The following TCF12 variants were observed in gnomAD, a reference collection of about 807,000 sequenced individuals.
TCF12 encodes transcription factor 12.
A neutral mutation model predicts 86.0 loss-of-function variants in TCF12; 45 were observed. The ratio of observed to expected loss-of-function variants is 0.52; its 90% CI spans 0.41 to 0.67. The LOEUF is 0.67. Among genes scored for constraint, TCF12 ranks in the 30% least tolerant of loss-of-function variants. The probability of loss-of-function intolerance (pLI) is 0.00; values close to 1 mark genes in which losing one functional copy is unlikely to be tolerated. For synonymous variants in TCF12, 330 were observed against 299.6 expected (o/e 1.10, Z -1.05); for missense variants, 881 against 859.9 (o/e 1.02, Z -0.31).
intron 3 of TCF12, among the ~76,000 whole-genome samples, chr15:56,955,609 T>A (rs2061477010): frequency 6.6e-6 from 1 of 152,214 alleles, no homozygotes; most frequent in African/African-American, 2.4e-5. Context: ...ATGCTTTGTA[T>A]GAATTGAGTG....
intron 6 of TCF12, among the ~76,000 whole-genome samples, chr15:57,180,604 A>G (rs2056267514): frequency 2.6e-5 from 4 of 152,016 alleles, no homozygotes; most frequent in Admixed American, 2.6e-4. Flanking sequence ...TTAAAACTGC[A>G]TACCACTTCA....
At chr15:56,937,220 T>G (rs1319258350) in intron 3 of TCF12, among the ~76,000 whole-genome samples, 6 of 152,142 alleles carry the variant, frequency 3.9e-5, no homozygotes, top group African/African-American at 1.4e-4. Flanking sequence ...AGTATTAAAT[T>G]TTTTTGGCTG....
rs556959386 is a variant in TCF12, at chr15:57,227,921, G to A, written c.580-3231G>A. ...CCTGGTAGATTTTAATTATCTTAAA[G>A]CATATATATTCCTTTCTCTTAATTT... On this transcript the variant is annotated intron_variant, in intron 8 of 20. Coordinates refer to ENST00000333725, the MANE Select transcript of TCF12 (RefSeq NM_207037.2). Among the ~76,000 whole-genome samples the A allele has an allele frequency of 1.6e-4, 24 of 152,000 alleles. No homozygotes were observed. The South Asian group carries it at 5.0e-3, about 32-fold the overall frequency.
intron 3 of TCF12, among the ~76,000 whole-genome samples, chr15:57,033,163 C>T (rs546515154): frequency 6.6e-6 from 1 of 152,078 alleles, no homozygotes; most frequent in South Asian, 2.1e-4. Flanking sequence ...TTTAGAGCTT[C>T]AGAGAACTGT....
intron 6 of TCF12, among the ~76,000 whole-genome samples, chr15:57,178,285 A>G (rs2056098194): frequency 6.6e-6 from 1 of 152,184 alleles, no homozygotes; most frequent in African/African-American, 2.4e-5. Context: ...ACTTTTGTGT[A>G]TTATGAAATG....
rs1213023077 is a variant in TCF12, at chr15:57,083,264, A to C, written c.223-8525A>C. On this transcript the variant is annotated intron_variant, in intron 4 of 20. Transcript: ENST00000333725. ...GGGCACATGACTTTTTATTATGTAC[A>C]TTTTAATATGTCTGGACTAGTTTAG... 4.6e-5 allele frequency among the ~76,000 whole-genome samples: 7 copies of C among 152,244 alleles called. No homozygotes were observed. The East Asian group carries it at 1.4e-3, about 29-fold the overall frequency.
At chr15:57,279,345 A>G (rs993841956) in intron 19 of TCF12, among the ~76,000 whole-genome samples, 13 of 152,232 alleles carry the variant, frequency 8.5e-5, no homozygotes, top group Non-Finnish European at 1.5e-4. Context: ...AGTTGATGTT[A>G]TAAGAGAGTC....
intron 5 of TCF12, among the ~76,000 whole-genome samples, chr15:57,150,873 C>CCCTT (rs374734642): frequency 0.023 from 929 of 40,524 alleles, 13 homozygotes; most frequent in African/African-American, 0.055. Context: ...CCCCCTCTGT[C>CCCTT]CCTTCCTTCC....
intron 3 of TCF12, among the ~76,000 whole-genome samples, chr15:56,975,253 C>A (rs1754627404): frequency 6.6e-6 from 1 of 152,096 alleles, no homozygotes; most frequent in South Asian, 2.1e-4. Context: ...GGTATGGTAA[C>A]AGGTCTTTAA....
chr15:57,153,240 A>G (rs1331927241), intron 5 of TCF12, among the ~76,000 whole-genome samples: 2 of 152,054 alleles, frequency 1.3e-5, no homozygotes, highest in East Asian at 3.8e-4. Flanking sequence ...CTGCACCAAG[A>G]CTCCGCAAAC....
At chr15:57,046,626 G>T (rs1204167974) in intron 3 of TCF12, among the ~76,000 whole-genome samples, 2 of 151,754 alleles carry the variant, frequency 1.3e-5, no homozygotes, top group African/African-American at 2.4e-5. Flanking sequence ...TATGTTTTTT[G>T]ATTTTTTTTT....
chr15:57,093,742 G>A (rs11853072), intron 5 of TCF12, among the ~76,000 whole-genome samples: 4,702 of 152,096 alleles, frequency 0.031, 95 homozygotes, highest in Middle Eastern at 0.045. Context: ...ATTAGAATAC[G>A]TTCAATAGTC....
chr15:56,920,018 T>A, intron 2 of TCF12, 30 bp downstream of exon 2: 1 of 1,613,034 alleles, frequency 6.2e-7, no homozygotes, highest in Non-Finnish European at 8.5e-7. Context: ...CATCTTGGGG[T>A]TCTGCTGAGG....
At chr15:56,962,459 T>C (rs1409826658) in intron 3 of TCF12, among the ~76,000 whole-genome samples, 1 of 152,194 alleles carries the variant, frequency 6.6e-6, no homozygotes, top group East Asian at 1.9e-4. Flanking sequence ...GTTGGACAGC[T>C]TCCTTTGAAG....
intron 3 of TCF12, among the ~76,000 whole-genome samples, chr15:57,042,553 A>G (rs1161206686): frequency 6.6e-6 from 1 of 152,070 alleles, no homozygotes; most frequent in African/African-American, 2.4e-5. Context: ...AGCCAGTACT[A>G]CAGGCACGCA....
At chr15:57,271,156 G>T (rs4447362) in intron 18 of TCF12, among the ~76,000 whole-genome samples, 1 of 152,128 alleles carries the variant, frequency 6.6e-6, no homozygotes, top group Non-Finnish European at 1.5e-5. Flanking sequence ...CTTTTGTTCA[G>T]ATACGCCCTG....
upstream of TCF12, chr15:56,918,106 A>G (rs1169531671): frequency 2.3e-6 from 1 of 426,462 alleles, no homozygotes; most frequent in East Asian, 7.5e-5. Flanking sequence ...GCCGAGGAGG[A>G]TGGGTCTCCC....
At chr15:57,158,965 T>G (rs1196738696) in intron 5 of TCF12, among the ~76,000 whole-genome samples, 1 of 152,206 alleles carries the variant, frequency 6.6e-6, no homozygotes, top group Admixed American at 6.5e-5. Flanking sequence ...AGGCAAGCAT[T>G]TATTTAAAAA....
intron 6 of TCF12, among the ~76,000 whole-genome samples, chr15:57,183,796 G>A (rs189076288): frequency 1.3e-5 from 2 of 152,154 alleles, no homozygotes; most frequent in East Asian, 3.9e-4. Flanking sequence ...TTGTAGAAGA[G>A]GGAAACAGAC....
Sources: allele counts gnomAD v4.1 joint callset (sites outside exome capture counted in the v4.1 genomes callset), GRCh38; gene constraint gnomAD v4.1.1; transcripts MANE v1.5; gene names NCBI Gene and HGNC (gene_info 2026-07-23, HGNC 2026-07-21).